Variants in AATF observed in about 807,000 individuals in gnomAD.
AATF encodes the protein protein AATF.
AATF carries 48 observed loss-of-function variants against 63.7 expected under a neutral mutation model. That is an observed-to-expected ratio of 0.75 (90% CI 0.60 to 0.96). The LOEUF (loss-of-function observed/expected upper bound fraction) is 0.96, where lower values mean the gene tolerates loss of function less well. Ranked by LOEUF, AATF falls within the 40% of genes least tolerant of loss-of-function variation. The pLI is 0.00. For synonymous variants in AATF, 258 were observed against 247.7 expected (o/e 1.04, Z -0.39); for missense variants, 639 against 685.7 (o/e 0.93, Z 0.76).
chr17:37,040,683 C>T (rs60717905), intron 11 of AATF, among the ~76,000 whole-genome samples: 3 of 151,282 alleles, frequency 2.0e-5, no homozygotes, highest in Admixed American at 2.0e-4. Flanking sequence ...GGCCCCCATC[C>T]CCACCCCTAG....
intron 4 of AATF, among the ~76,000 whole-genome samples, chr17:36,967,315 T>C (rs1455313894): frequency 6.6e-6 from 1 of 152,250 alleles, no homozygotes; most frequent in Non-Finnish European, 1.5e-5. Flanking sequence ...AGCTGAGCCA[T>C]GTAATAAATA....
chr17:36,956,980 A>C (rs939933706), intron 4 of AATF, among the ~76,000 whole-genome samples: 1 of 142,538 alleles, frequency 7.0e-6, no homozygotes, highest in South Asian at 2.1e-4. Context: ...GTCCCCCCCG[A>C]AAAAAAAAAG....
intron 4 of AATF, among the ~76,000 whole-genome samples, chr17:36,976,831 G>T (rs903814196): frequency 5.3e-5 from 8 of 152,146 alleles, no homozygotes; most frequent in African/African-American, 1.9e-4. Context: ...TATTTTCTGA[G>T]TCTCAGTGTT....
chr17:37,054,804 A>C (rs1167099451), intron 11 of AATF: 1 of 152,182 alleles, frequency 6.6e-6, no homozygotes, highest in African/African-American at 2.4e-5. Context: ...TTTCTTTCTC[A>C]TCAGACGTTG....
intron 8 of AATF, among the ~76,000 whole-genome samples, chr17:37,001,454 A>AGGAAGGAAGGAAGGAAG (rs1446251343): frequency 7.9e-6 from 1 of 126,672 alleles, no homozygotes; most frequent in East Asian, 2.2e-4. Context: ...GAAGGAAGGA[A>AGGAAGGAAGGAAGGAAG]GAAAAAAAAA....
intron 4 of AATF, among the ~76,000 whole-genome samples, chr17:36,969,056 T>A (rs191758834): frequency 8.4e-4 from 128 of 152,290 alleles, no homozygotes; most frequent in African/African-American, 3.0e-3. Flanking sequence ...TTTTTGGTGA[T>A]CCTCTGCGGT....
intron 8 of AATF, among the ~76,000 whole-genome samples, chr17:36,994,916 C>T (rs548692705): frequency 6.6e-6 from 1 of 152,332 alleles, no homozygotes; most frequent in Non-Finnish European, 1.5e-5. Flanking sequence ...TTGATTTAAT[C>T]CTCACAAGAT....
At chr17:37,011,783 C>G (rs2142277882) in intron 8 of AATF, among the ~76,000 whole-genome samples, 1 of 152,072 alleles carries the variant, frequency 6.6e-6, no homozygotes, top group South Asian at 2.1e-4. Flanking sequence ...GTGCTAGATG[C>G]CCATTAGACA....
chr17:37,024,456 T>C (rs116122407), intron 10 of AATF, among the ~76,000 whole-genome samples: 2,305 of 152,330 alleles, frequency 0.015, 53 homozygotes, highest in African/African-American at 0.052. Flanking sequence ...GCCTGTTCTT[T>C]TAACCTCTGG....
chr17:36,977,211 T>A (rs2071086020), intron 4 of AATF, among the ~76,000 whole-genome samples: 1 of 152,184 alleles, frequency 6.6e-6, no homozygotes, highest in Non-Finnish European at 1.5e-5. Context: ...ATACCTTTTA[T>A]GGCCCAGGTG....
intron 11 of AATF, chr17:37,051,389 A>T (rs2071747987): frequency 6.6e-6 from 1 of 152,380 alleles, no homozygotes; most frequent in Non-Finnish European, 1.5e-5. Context: ...AGCCCCACAC[A>T]GATTATTTGC....
chr17:37,022,439 A>G (rs773027436), intron 10 of AATF, among the ~76,000 whole-genome samples: 5 of 152,232 alleles, frequency 3.3e-5, no homozygotes, highest in Non-Finnish European at 5.9e-5. Flanking sequence ...TTGCAGAAGT[A>G]CACAGTATCA....
At chr17:37,008,621 T>G (rs1410701064) in intron 8 of AATF, among the ~76,000 whole-genome samples, 1 of 152,126 alleles carries the variant, frequency 6.6e-6, no homozygotes, top group African/African-American at 2.4e-5. Context: ...CCCAGCAGTG[T>G]GGGGGGCTGA....
intron 11 of AATF, chr17:37,056,036 A>G (rs2071795445): frequency 6.6e-6 from 1 of 152,340 alleles, no homozygotes; most frequent in African/African-American, 2.4e-5. Context: ...TTAATGTCAA[A>G]ACCCAACTTT....
At chr17:37,028,125 G>A (rs1286748455) in intron 10 of AATF, among the ~76,000 whole-genome samples, 1 of 152,094 alleles carries the variant, frequency 6.6e-6, no homozygotes, top group African/African-American at 2.4e-5. Context: ...TAAGAGTTAT[G>A]TATTGGCCAG....
intron 4 of AATF, among the ~76,000 whole-genome samples, chr17:36,965,409 A>G (rs1174860422): frequency 6.6e-6 from 1 of 152,072 alleles, no homozygotes; most frequent in African/African-American, 2.4e-5. Flanking sequence ...TCTTATAAGG[A>G]CCCTTGAGAT....
At chr17:36,960,263 C>T (rs551002354) in intron 4 of AATF, among the ~76,000 whole-genome samples, 73 of 152,184 alleles carry the variant, frequency 4.8e-4, no homozygotes, top group Non-Finnish European at 8.8e-4. Flanking sequence ...CCACCCGCCT[C>T]GGCCTCCCAA....
At chr17:36,962,464 G>C (rs1403502862) in intron 4 of AATF, among the ~76,000 whole-genome samples, 1 of 152,116 alleles carries the variant, frequency 6.6e-6, no homozygotes, top group Non-Finnish European at 1.5e-5. Context: ...TGAGCTAAGG[G>C]CAGCTTAAAA....
chr17:37,003,716 C>T (rs979399949), intron 8 of AATF, among the ~76,000 whole-genome samples: 2 of 151,448 alleles, frequency 1.3e-5, no homozygotes, highest in Non-Finnish European at 2.9e-5. Context: ...ATCTGACTGC[C>T]TCAGCCTCCC....
Sources: allele counts gnomAD v4.1 joint callset (sites outside exome capture counted in the v4.1 genomes callset), GRCh38; gene constraint gnomAD v4.1.1; transcripts MANE v1.5; gene names NCBI Gene and HGNC (gene_info 2026-07-23, HGNC 2026-07-21).